The following GPR39 variants were observed in gnomAD, a reference collection of about 807,000 sequenced individuals.
GPR39 encodes the protein G protein-coupled receptor 39, also known as zinc sensing receptor.
A neutral mutation model predicts 18.4 loss-of-function variants in GPR39; 23 were observed. The observed-to-expected ratio is 1.25, with a 90% CI of 0.90 to 1.77. The LOEUF is 1.77. GPR39 is among the 40% of genes most tolerant of loss of function. GPR39 has a pLI of 0.00. For missense variants in GPR39, 647 were observed against 602.4 expected, an observed-to-expected ratio of 1.07 and a Z score of -0.78; for synonymous variants, 280 against 257.9, an observed-to-expected ratio of 1.09 and a Z score of -0.82.
chr2:132,597,947 T>C (rs1357742529), intron 1 of GPR39, among the ~76,000 whole-genome samples: 1 of 152,186 alleles, frequency 6.6e-6, no homozygotes, highest in Non-Finnish European at 1.5e-5. Context: ...CATCTCTGGC[T>C]CCTTGACTTT....
chr2:132,535,804 G>T (rs1451889046), intron 1 of GPR39, among the ~76,000 whole-genome samples: 1 of 151,238 alleles, frequency 6.6e-6, no homozygotes, highest in Non-Finnish European at 1.5e-5. Context: ...GAGGATTTAT[G>T]TGTCCAGGAA....
chr2:132,482,868 AT>A (rs1342016715), intron 1 of GPR39, among the ~76,000 whole-genome samples: 2 of 152,206 alleles, frequency 1.3e-5, no homozygotes. Context: ...CATGTGTTCT[AT>A]AAAAAGAAAT....
intron 1 of GPR39, among the ~76,000 whole-genome samples, chr2:132,471,903 A>G (rs1047208063): frequency 2.0e-4 from 31 of 152,190 alleles, no homozygotes; most frequent in African/African-American, 7.0e-4. Flanking sequence ...CAAGCCAGGC[A>G]GAATACCCAA....
At chr2:132,449,516 G>A (rs1261458426) in intron 1 of GPR39, among the ~76,000 whole-genome samples, 1 of 152,092 alleles carries the variant, frequency 6.6e-6, no homozygotes, top group Non-Finnish European at 1.5e-5. Context: ...CAAAGTGCTG[G>A]GATTACAGAC....
intron 1 of GPR39, among the ~76,000 whole-genome samples, chr2:132,540,019 A>T (rs1333012050): frequency 1.3e-5 from 2 of 152,130 alleles, no homozygotes; most frequent in Non-Finnish European, 2.9e-5. Flanking sequence ...AGAGGAAAGG[A>T]AGTTGCTATT....
At chr2:132,469,200 G>C (rs1415030709) in intron 1 of GPR39, among the ~76,000 whole-genome samples, 1 of 152,150 alleles carries the variant, frequency 6.6e-6, no homozygotes, top group Non-Finnish European at 1.5e-5. Flanking sequence ...CCATCCCCCT[G>C]TAGGCATCAG....
chr2:132,637,135 T>A (rs1192539431), intron 1 of GPR39, among the ~76,000 whole-genome samples: 1 of 152,236 alleles, frequency 6.6e-6, no homozygotes, highest in Non-Finnish European at 1.5e-5. Flanking sequence ...TCATGCATCA[T>A]AAAGGTACAG....
chr2:132,532,608 C>T (rs796079446), intron 1 of GPR39, among the ~76,000 whole-genome samples: 3 of 152,170 alleles, frequency 2.0e-5, no homozygotes, highest in South Asian at 2.1e-4. Flanking sequence ...AAAATACTGG[C>T]AAACCAAATC....
chr2:132,441,384 C>CTTTTTTT (rs56044915), intron 1 of GPR39, among the ~76,000 whole-genome samples: 1 of 92,418 alleles, frequency 1.1e-5, no homozygotes, highest in Non-Finnish European at 2.8e-5. Flanking sequence ...TGCATATATG[C>CTTTTTTT]TTTTTTTTTT....
intron 1 of GPR39, among the ~76,000 whole-genome samples, chr2:132,612,745 T>C (rs1681258422): frequency 6.6e-6 from 1 of 152,250 alleles, no homozygotes; most frequent in Admixed American, 6.5e-5. Flanking sequence ...TAATACGTCA[T>C]GATAGCTGGT....
At chr2:132,442,571 GC>G (rs1262187890) in intron 1 of GPR39, among the ~76,000 whole-genome samples, 1 of 152,182 alleles carries the variant, frequency 6.6e-6, no homozygotes, top group Admixed American at 6.5e-5. Flanking sequence ...TTTGGCTCAT[GC>G]CCCTGTGAAA....
At chr2:132,466,837 TCAA>T (rs1186468101) in intron 1 of GPR39, among the ~76,000 whole-genome samples, 1 of 152,182 alleles carries the variant, frequency 6.6e-6, no homozygotes, top group Non-Finnish European at 1.5e-5. Flanking sequence ...ACTTGGCCTC[TCAA>T]CAACTTGAGC....
chr2:132,555,815 A>T (rs1193705671), intron 1 of GPR39, among the ~76,000 whole-genome samples: 2 of 152,244 alleles, frequency 1.3e-5, no homozygotes, highest in Non-Finnish European at 2.9e-5. Context: ...TGTTGATGAC[A>T]TGATTGTGCA....
At chr2:132,559,435 G>A (rs1190258757) in intron 1 of GPR39, among the ~76,000 whole-genome samples, 2 of 152,088 alleles carry the variant, frequency 1.3e-5, no homozygotes, top group South Asian at 4.1e-4. Flanking sequence ...GGATTAGGAC[G>A]TAGAGCTGGA....
At chr2:132,599,259 C>T (rs1426192778) in intron 1 of GPR39, among the ~76,000 whole-genome samples, 1 of 152,130 alleles carries the variant, frequency 6.6e-6, no homozygotes, top group Non-Finnish European at 1.5e-5. Flanking sequence ...TTTTAAAAAG[C>T]AAAGAAACAT....
chr2:132,424,395 A>G (rs1048125818), intron 1 of GPR39, among the ~76,000 whole-genome samples: 2 of 152,136 alleles, frequency 1.3e-5, no homozygotes, highest in African/African-American at 2.4e-5. Context: ...CATCTCTCTC[A>G]AGAGTGAGCC....
In GPR39 at chr2:132,646,207, G is replaced by T; in HGVS notation, c.*601G>T. 1 of 1,606,322 alleles carries T rather than the reference G, an allele frequency of 6.2e-7. No homozygotes were observed. Among genetic ancestry groups the T allele is most frequent in the Non-Finnish European group, 8.5e-7 (1 of 1,175,524 alleles). On this transcript the variant is annotated 3_prime_UTR_variant, in exon 2 of 2. Transcript: ENST00000329321. ...AAACTGAGTTCAGTTTCCCTGGGGA[G>T]CAGAAGGACTGGTACCCGGCAGAGG...
intron 1 of GPR39, among the ~76,000 whole-genome samples, chr2:132,589,763 G>A (rs368690424): frequency 6.6e-6 from 1 of 152,198 alleles, no homozygotes; most frequent in Non-Finnish European, 1.5e-5. Flanking sequence ...AACTGCCAGA[G>A]CCATAAAGAT....
At chr2:132,492,829 A>G (rs1681518573) in intron 1 of GPR39, among the ~76,000 whole-genome samples, 2 of 143,162 alleles carry the variant, frequency 1.4e-5, no homozygotes, top group African/African-American at 5.1e-5. Flanking sequence ...TATATATACC[A>G]TATACACACC....
Sources: allele counts gnomAD v4.1 joint callset (sites outside exome capture counted in the v4.1 genomes callset), GRCh38; gene constraint gnomAD v4.1.1; transcripts MANE v1.5; gene names NCBI Gene and HGNC (gene_info 2026-07-23, HGNC 2026-07-21).